The following MGAT4C variants were observed in gnomAD, a reference collection of about 807,000 sequenced individuals.
MGAT4C encodes alpha-1,3-mannosyl-glycoprotein 4-beta-N-acetylglucosaminyltransferase C.
Under a neutral mutation model 40.1 loss-of-function variants are expected in MGAT4C, and 19 were observed. The ratio of observed to expected loss-of-function variants is 0.47; its 90% CI spans 0.33 to 0.70. MGAT4C has a LOEUF of 0.70. Among genes scored for constraint, MGAT4C ranks in the 30% least tolerant of loss-of-function variants. The pLI, the probability that MGAT4C is intolerant of heterozygous loss-of-function variation, is 0.02. For missense variants in MGAT4C, 491 were observed against 563.2 expected, an observed-to-expected ratio of 0.87 and a Z score of 1.30; for synonymous variants, 181 against 187.1, an observed-to-expected ratio of 0.97 and a Z score of 0.27.
At chr12:86,769,118 A>G (rs1209386486) in intron 1 of MGAT4C, among the ~76,000 whole-genome samples, 1 of 152,178 alleles carries the variant, frequency 6.6e-6, no homozygotes, top group African/African-American at 2.4e-5. Flanking sequence ...CAACCTACCT[A>G]TCTGACAAAG....
intron 1 of MGAT4C, chr12:86,745,173 GTTTT>G (rs372143619): frequency 6.6e-6 from 1 of 150,500 alleles, no homozygotes; most frequent in Non-Finnish European, 1.5e-5. Flanking sequence ...GCAAAATAAA[GTTTT>G]TTTTTTAAAA....
upstream of MGAT4C, among the ~76,000 whole-genome samples, chr12:86,258,659 T>G (rs1472169409): frequency 6.6e-6 from 1 of 152,096 alleles, no homozygotes; most frequent in African/African-American, 2.4e-5. Context: ...TTTTTGTTAT[T>G]AAAATATGTC....
chr12:86,836,932 C>T (rs960661930), intron 1 of MGAT4C, among the ~76,000 whole-genome samples: 1 of 151,936 alleles, frequency 6.6e-6, no homozygotes, highest in East Asian at 1.9e-4. Context: ...TTGAGATTTT[C>T]GGAAGAGTCA....
chr12:86,247,890 G>A (rs2136065297), intron 1 of MGAT4C, among the ~76,000 whole-genome samples: 1 of 152,254 alleles, frequency 6.6e-6, no homozygotes, highest in Non-Finnish European at 1.5e-5. Flanking sequence ...ATGGGGAAGA[G>A]GGGAAAGGAG....
At chr12:86,659,455 T>C (rs947494366) in intron 2 of MGAT4C, among the ~76,000 whole-genome samples, 2 of 152,112 alleles carry the variant, frequency 1.3e-5, no homozygotes, top group Non-Finnish European at 2.9e-5. Context: ...ATTGGAGGAC[T>C]AGCTTACTGC....
At chr12:86,620,335 A>G (rs1169536124) in intron 2 of MGAT4C, among the ~76,000 whole-genome samples, 1 of 151,358 alleles carries the variant, frequency 6.6e-6, no homozygotes, top group Admixed American at 6.6e-5. Flanking sequence ...AGAATTAGAT[A>G]AAATATCACA....
intron 1 of MGAT4C, among the ~76,000 whole-genome samples, chr12:86,118,699 T>A (rs1878850135): frequency 6.6e-6 from 1 of 152,160 alleles, no homozygotes; most frequent in African/African-American, 2.4e-5. Context: ...TATATTAGAT[T>A]TTTTAAAAGG....
intron 2 of MGAT4C, among the ~76,000 whole-genome samples, chr12:86,523,306 T>C (rs1958827895): frequency 6.6e-6 from 1 of 152,200 alleles, no homozygotes; most frequent in South Asian, 2.1e-4. Flanking sequence ...TTCTCATTAG[T>C]TTCAAATAAC....
At chr12:86,718,496 T>A (rs1950685590) in intron 2 of MGAT4C, among the ~76,000 whole-genome samples, 1 of 152,122 alleles carries the variant, frequency 6.6e-6, no homozygotes, top group Admixed American at 6.6e-5. Context: ...CTAGAAAGAA[T>A]TAAACAACTA....
At chr12:86,644,599 C>A (rs1376498399) in intron 2 of MGAT4C, among the ~76,000 whole-genome samples, 1 of 151,614 alleles carries the variant, frequency 6.6e-6, no homozygotes, top group Non-Finnish European at 1.5e-5. Context: ...TATCAACGAG[C>A]CAAATGCAAA....
At chr12:86,782,460 A>C (rs149988345) in intron 1 of MGAT4C, among the ~76,000 whole-genome samples, 2,807 of 152,108 alleles carry the variant, frequency 0.018, 31 homozygotes, top group African/African-American at 0.037. Flanking sequence ...GGATTACAGG[A>C]GTGAGCCACC....
chr12:86,580,007 T>C (rs1036938403), intron 2 of MGAT4C, among the ~76,000 whole-genome samples: 2 of 39,276 alleles, frequency 5.1e-5, no homozygotes, highest in African/African-American at 1.1e-4. Context: ...GATTATTAAA[T>C]GCTTGAGGTA....
At chr12:86,700,177 ACAG>A (rs1437644734) in intron 2 of MGAT4C, among the ~76,000 whole-genome samples, 1 of 126,842 alleles carries the variant, frequency 7.9e-6, no homozygotes, top group Non-Finnish European at 1.7e-5. Context: ...AGACAGACAG[ACAG>A]ATAGATAGAT....
rs190880011 is a variant in MGAT4C at position 86,547,646 on chromosome 12, T to C, written c.-228-112381A>G. 3.0e-3 allele frequency among the ~76,000 whole-genome samples: 464 copies of C among 152,176 alleles called. 1 individual carries two copies. The highest frequency in any genetic ancestry group is 6.8e-3 in the Middle Eastern group (2 of 294). The stretch of plus-strand genomic sequence containing the variant: ...ATATTTGGTAAATTTTGTTTATTAC[T>C]TGGAAGAAAAAGAAAACTAATTTAG... On this transcript the variant is annotated intron_variant, in intron 2 of 7. Coordinates refer to the MGAT4C transcript ENST00000548651.
At position 86,055,529 on chromosome 12, in the gene MGAT4C, T is replaced by C. The variant is rs182757513; in HGVS notation, c.-56-5806A>G. ...ATGTTGAGGATGATGGAGCTTAGAA[T>C]GACTGACAAAAGAACACTATCCCTG... On this transcript the variant is annotated intron_variant, in intron 1 of 4. Coordinates refer to ENST00000611864, the MANE Select transcript of MGAT4C (RefSeq NM_001351288.2). Among the ~76,000 whole-genome samples, 414 of 152,214 alleles carry C rather than the reference T, an allele frequency of 2.7e-3. 6 individuals carry two copies. The highest frequency in any genetic ancestry group is 0.025 in the Admixed American group (382 of 15,270).
At chr12:86,383,427 C>T (rs1955986554) in intron 3 of MGAT4C, among the ~76,000 whole-genome samples, 1 of 151,898 alleles carries the variant, frequency 6.6e-6, no homozygotes, top group East Asian at 1.9e-4. Context: ...TGGCATGCAC[C>T]TGTAGTCCTA....
intron 2 of MGAT4C, among the ~76,000 whole-genome samples, chr12:86,546,770 GT>G (rs1459441789): frequency 1.3e-5 from 2 of 152,006 alleles, no homozygotes; most frequent in African/African-American, 4.8e-5. Context: ...AAGCTGAAAT[GT>G]CATAAAACCC....
At position 85,964,202 on chromosome 12, in the gene MGAT4C, A is replaced by G. The variant is rs1883248437; in HGVS notation, c.*15087T>C. On this transcript the variant is annotated 3_prime_UTR_variant, in exon 5 of 5. Transcript: ENST00000611864. ...TGTTATAAAGACACTATGAAGAGATACTAAATGATATTCTTTTCATCTGTG... is the reference window on the plus strand; with the variant it reads ...TGTTATAAAGACACTATGAAGAGATGCTAAATGATATTCTTTTCATCTGTG... The G allele has an allele frequency of 6.6e-6, 1 of 152,114 alleles. No homozygotes were observed. The highest frequency in any genetic ancestry group is 2.1e-4 in the South Asian group (1 of 4,830). The allele number at this position is 152,114 out of a possible 1,614,324, so 9.4% of individuals were successfully genotyped here. A position where few individuals can be genotyped will look rare whatever the true frequency, so the allele number is the denominator to read the frequency against.
At chr12:86,545,099 T>C (rs955155648) in intron 2 of MGAT4C, among the ~76,000 whole-genome samples, 5 of 152,010 alleles carry the variant, frequency 3.3e-5, no homozygotes, top group Non-Finnish European at 7.4e-5. Context: ...ATAAATTAGG[T>C]GATGATCATT....
Sources: allele counts gnomAD v4.1 joint callset (sites outside exome capture counted in the v4.1 genomes callset), GRCh38; gene constraint gnomAD v4.1.1; transcripts MANE v1.5; gene names NCBI Gene and HGNC (gene_info 2026-07-23, HGNC 2026-07-21).